Variants in ZCCHC4 observed in about 807,000 individuals in gnomAD.
ZCCHC4 encodes zinc finger CCHC-type containing 4, also known as rRNA N(6)-adenosine-methyltransferase ZCCHC4.
ZCCHC4 carries 54 observed loss-of-function variants against 67.7 expected under a neutral mutation model. The ratio of observed to expected loss-of-function variants is 0.80; its 90% confidence interval spans 0.64 to 1.00. The LOEUF is 1.00. ZCCHC4 is among the 50% of genes least tolerant of loss of function. ZCCHC4 has a pLI of 0.00. For missense variants in ZCCHC4, 609 were observed against 617.0 expected, an observed-to-expected ratio of 0.99 and a Z score of 0.14; for synonymous variants, 198 against 213.5, an observed-to-expected ratio of 0.93 and a Z score of 0.63.
chr4:25,351,062 T>A (rs1376034341), intron 7 of ZCCHC4, among the ~76,000 whole-genome samples: 1 of 152,230 alleles, frequency 6.6e-6, no homozygotes, highest in African/African-American at 2.4e-5. Context: ...TACTAGCCTA[T>A]ACTAGGTGCT....
intron 8 of ZCCHC4, among the ~76,000 whole-genome samples, chr4:25,357,452 A>G (rs1033892394): frequency 6.6e-6 from 1 of 152,102 alleles, no homozygotes; most frequent in Non-Finnish European, 1.5e-5. Flanking sequence ...CTGCAAACTC[A>G]CCATACTGAC....
intron 3 of ZCCHC4, among the ~76,000 whole-genome samples, chr4:25,328,734 A>T (rs966291898): frequency 2.6e-5 from 4 of 151,266 alleles, no homozygotes; most frequent in Non-Finnish European, 4.4e-5. Flanking sequence ...GGCACTTGCC[A>T]CCACACCTGG....
chr4:25,315,505 T>A, intron 3 of ZCCHC4, 105 bp downstream of exon 3: 1 of 785,406 alleles, frequency 1.3e-6, no homozygotes, highest in Non-Finnish European at 1.9e-6. Flanking sequence ...ATTTTTATTG[T>A]AGTTACATAT....
chr4:25,320,884 T>C (rs987943092), intron 3 of ZCCHC4, among the ~76,000 whole-genome samples: 1 of 152,242 alleles, frequency 6.6e-6, no homozygotes, highest in African/African-American at 2.4e-5. Context: ...TTCTTTTCCT[T>C]CTTTTAAAAA....
intron 5 of ZCCHC4, among the ~76,000 whole-genome samples, chr4:25,340,922 T>C (rs925738034): frequency 6.6e-6 from 1 of 152,146 alleles, no homozygotes; most frequent in Non-Finnish European, 1.5e-5. Flanking sequence ...CTCTTCTTCC[T>C]CCTCCTAAGT....
rs1285374971 is a variant in ZCCHC4 at position 25,369,035 on chromosome 4, C to G, written c.1413C>G (p.Val471=). The G allele has an allele frequency of 1.2e-6, 2 of 1,609,328 alleles. No homozygotes were observed. Among genetic ancestry groups the G allele is most frequent in the Non-Finnish European group, 1.7e-6 (2 of 1,178,948 alleles). Residue 471 remains valine, a synonymous_variant, in exon 13 of 13, where the codon GTC becomes GTG. Coordinates refer to ENST00000302874, the MANE Select transcript of ZCCHC4 (RefSeq NM_024936.3). ...IATSKRANKA[V]RKQKQRKSNK... is the part of the protein sequence containing the mutation. ...TTAGCACCTTGTTTTCCAGAGCTGT[C>G]AGAAAGCAGAAGCAAAGAAAAAGTA...
chr4:25,333,861 T>G (rs1187191151), intron 4 of ZCCHC4, 47 bp from the exon 5 acceptor site: 2 of 1,285,920 alleles, frequency 1.6e-6, no homozygotes, highest in Admixed American at 4.9e-5. Flanking sequence ...TTATTGTCTA[T>G]GACATTTGTA....
chr4:25,315,417 A>G lies in ZCCHC4; in HGVS notation c.329+17A>G. Reference sequence around the variant, plus strand: ...TGTGGAAAGGTACTGATGCAGTGTCATTTTTCTTTATTAGTTTAGCTGTCA... The same window carrying G: ...TGTGGAAAGGTACTGATGCAGTGTCGTTTTTCTTTATTAGTTTAGCTGTCA... On this transcript the variant is annotated intron_variant, in intron 3 of 12. Transcript: ENST00000302874. 6.4e-7 allele frequency: 1 copy of G among 1,555,318 alleles called. No homozygotes were observed.
At chr4:25,332,269 C>T (rs1011810546) in intron 3 of ZCCHC4, among the ~76,000 whole-genome samples, 2 of 138,590 alleles carry the variant, frequency 1.4e-5, no homozygotes, top group East Asian at 2.1e-4. Flanking sequence ...GATTGCGCCA[C>T]GGCACTCTAG....
chr4:25,336,590 G>C (rs1431225141), intron 5 of ZCCHC4, among the ~76,000 whole-genome samples: 2 of 152,132 alleles, frequency 1.3e-5, no homozygotes, highest in South Asian at 4.1e-4. Flanking sequence ...GGGCTCAAGC[G>C]ATTCTCCTTC....
intron 3 of ZCCHC4, among the ~76,000 whole-genome samples, chr4:25,328,507 TG>T (rs778168229): frequency 3.3e-4 from 51 of 152,324 alleles, no homozygotes; most frequent in Admixed American, 1.5e-3. Flanking sequence ...CCCAAAGTGT[TG>T]GGATTACAGG....
intron 8 of ZCCHC4, chr4:25,352,025 C>T (rs1720324532): frequency 9.9e-7 from 1 of 1,009,902 alleles, no homozygotes. Context: ...GATTTTGCAG[C>T]CCCCCCACCC....
chr4:25,368,427 T>A (rs527347237), intron 12 of ZCCHC4, among the ~76,000 whole-genome samples: 4 of 152,218 alleles, frequency 2.6e-5, no homozygotes, highest in Non-Finnish European at 4.4e-5. Flanking sequence ...GTTCAGTGTT[T>A]TCAGAGGGTG....
At chr4:25,337,582 C>A (rs1219627896) in intron 5 of ZCCHC4, among the ~76,000 whole-genome samples, 2 of 152,174 alleles carry the variant, frequency 1.3e-5, no homozygotes, top group Non-Finnish European at 2.9e-5. Flanking sequence ...TCCAGCCAGC[C>A]TCTGACCAAT....
intron 3 of ZCCHC4, among the ~76,000 whole-genome samples, chr4:25,321,521 C>T (rs988231321): frequency 9.3e-5 from 14 of 150,526 alleles, no homozygotes; most frequent in Admixed American, 6.6e-4. Context: ...TACAGGCTCC[C>T]GCCACCACGC....
At position 25,349,566 on chromosome 4, in the gene ZCCHC4, G is replaced by C. The variant is rs200166327; in HGVS notation, c.834G>C (p.Pro278=). 6.2e-7 allele frequency: 1 copy of C among 1,613,902 alleles called. No homozygotes were observed. The highest frequency in any genetic ancestry group is 1.3e-5 in the African/African-American group (1 of 74,920). Reference sequence around the variant, plus strand: ...GAATCATTATGGTGACGGATCCTCCGTTTGGTGGCTTGGTTGAACCTCTGG... The same window carrying C: ...GAATCATTATGGTGACGGATCCTCCCTTTGGTGGCTTGGTTGAACCTCTGG... ...GEGIIMVTDP[P]FGGLVEPLAI... Residue 278 remains proline (P), a synonymous_variant, in exon 7 of 13, where the codon CCG becomes CCC. Transcript: ENST00000302874.
intron 6 of ZCCHC4, among the ~76,000 whole-genome samples, chr4:25,346,626 A>G (rs1286150883): frequency 6.6e-6 from 1 of 152,216 alleles, no homozygotes; most frequent in African/African-American, 2.4e-5. Context: ...CCCCTGATTT[A>G]GTAAGTATAG....
intron 8 of ZCCHC4, chr4:25,352,523 C>A: frequency 4.4e-6 from 2 of 456,566 alleles, no homozygotes; most frequent in Non-Finnish European, 5.8e-6. Flanking sequence ...ATTCTTCTGC[C>A]TTAGCCTCCT....
At chr4:25,353,822 C>A (rs931492655) in intron 8 of ZCCHC4, among the ~76,000 whole-genome samples, 1 of 152,152 alleles carries the variant, frequency 6.6e-6, no homozygotes, top group African/African-American at 2.4e-5. Context: ...CCTTAACACA[C>A]AGCAAGTATT....
Sources: gnomAD v4.1 joint callset for allele counts (sites outside exome capture counted in the v4.1 genomes callset) on GRCh38, gnomAD v4.1.1 for gene constraint, MANE v1.5 for transcripts, NCBI Gene and HGNC (gene_info 2026-07-23, HGNC 2026-07-21) for gene names.